The following DIS3 variants were observed in gnomAD, a reference collection of about 807,000 sequenced individuals.
DIS3 encodes exosome complex exonuclease RRP44.
DIS3 carries 103 observed loss-of-function variants against 113.0 expected under a neutral mutation model. The observed-to-expected ratio is 0.91, with a 90% CI of 0.78 to 1.07. The LOEUF (loss-of-function observed/expected upper bound fraction) is 1.07, where lower values mean the gene tolerates loss of function less well. Among genes scored for constraint, DIS3 ranks in the 50% least tolerant of loss-of-function variants. The pLI, the probability that DIS3 is intolerant of heterozygous loss-of-function variation, is 0.00. For synonymous variants in DIS3, 402 were observed against 394.3 expected (o/e 1.02, Z -0.23); for missense variants, 1,121 against 1,167.1 (o/e 0.96, Z 0.58).
In DIS3 at chr13:72,781,827, G is replaced by C. The variant is rs199832326; in HGVS notation, c.6C>G (p.Leu2=). The C allele has an allele frequency of 8.4e-5, 134 of 1,585,838 alleles. No homozygotes were observed. In the East Asian group the frequency reaches 9.6e-4, roughly 11 times the overall value. The change falls in exon 1 of 21, where the codon CTC becomes CTG. Residue 2 remains leucine (L), a synonymous_variant. Coordinates refer to ENST00000377767, the MANE Select transcript of DIS3 (RefSeq NM_014953.5). M[L]KSKTFLKKTR... Reference sequence around the variant, plus strand: ...TCTTTTTTAAGAACGTCTTGGACTTGAGCATCTTGCCTCGCCGCGCAGAAT... The same window carrying C: ...TCTTTTTTAAGAACGTCTTGGACTTCAGCATCTTGCCTCGCCGCGCAGAAT...
rs772725692 is a variant in DIS3, at chr13:72,753,580, A to C, written c.*6215T>G. 3.5e-6 allele frequency: 4 copies of C among 1,132,226 alleles called. No individual in the cohort carries two copies. The highest frequency in any genetic ancestry group is 1.6e-5 in the African/African-American group (1 of 63,912). 70.1% of individuals were successfully genotyped at this position (1,132,226 alleles called of 1,614,324 possible). On this transcript the variant is annotated 3_prime_UTR_variant, in exon 21 of 21. Transcript: ENST00000377767. ...TTTTGTTCAACATGATCAATATTAC[A>C]TGTTAGGATCATTCAGATGTAGTGA... is the stretch of plus-strand genomic sequence containing the variant.
At position 72,768,840 on chromosome 13, in the gene DIS3, G is replaced by C. The variant is rs751658145; in HGVS notation, c.1828C>G (p.Leu610Val). 4 of 1,609,318 alleles carry C rather than the reference G, an allele frequency of 2.5e-6. No individual in the cohort carries two copies. Among genetic ancestry groups the C allele is most frequent in the East Asian group, 4.5e-5 (2 of 44,732 alleles). ...ANMNDDITTS[L>V]RGLNKLAKIL... ...TTGGCTAGTTTATTCAGTCCACGGA[G>C]ACTAGTGGTAATATCATCATTCATG... The change falls in exon 14 of 21, where the codon CTC becomes GTC. Residue 610 changes from leucine to valine, a missense_variant. By Grantham distance (32) the Leu-to-Val change is conservative. Transcript: ENST00000377767.
In DIS3 at chr13:72,781,714, C is replaced by A. The variant is rs565866518; in HGVS notation, c.119G>T (p.Gly40Val). Reference sequence around the variant, plus strand: ...CAGGGCCGGCCCCTCGTGCGCCCCTCCACACGCTGCGCACCCGGGCGCACC... The same window carrying A: ...CAGGGCCGGCCCCTCGTGCGCCCCTACACACGCTGCGCACCCGGGCGCACC... ...GCGAPGCAAC[G>V]GAHEGPALEP... The change falls in exon 1 of 21, where the codon GGA becomes GTA. Residue 40 changes from glycine to valine, a missense_variant. By Grantham distance (109) the Gly-to-Val change is moderately radical. Around this residue, in one of 3 missense-constraint regions of DIS3, gnomAD observed 254 missense variants for 232.2 expected, o/e 1.09. Coordinates refer to ENST00000377767, the MANE Select transcript of DIS3 (RefSeq NM_014953.5). The A allele has an allele frequency of 1.0e-5, 16 of 1,574,620 alleles. No individual in the cohort carries two copies. In the African/African-American group the frequency reaches 1.9e-4, roughly 19 times the overall value.
intron 2 of DIS3, 149 bp downstream of exon 2, chr13:72,780,697 A>C (rs2034163129): frequency 1.2e-6 from 1 of 814,374 alleles, no homozygotes; most frequent in Non-Finnish European, 1.9e-6. Context: ...TCCACTTAGC[A>C]TTATCTTCTG....
chr13:72,781,365 G>A (rs1157903846), intron 1 of DIS3: 18 of 1,550,862 alleles, frequency 1.2e-5, no homozygotes, highest in Non-Finnish European at 1.4e-5. Flanking sequence ...ATCTAAGGCA[G>A]AAGAGACACC....
At chr13:72,770,851 CAA>C in intron 13 of DIS3, 51 bp downstream of exon 13, 1 of 1,347,166 alleles carries the variant, frequency 7.4e-7, no homozygotes, top group Non-Finnish European at 1.0e-6. Flanking sequence ...TAGCTTTTTT[CAA>C]AAAAGTACCA....
In DIS3 at chr13:72,760,640, A is replaced by C; in HGVS notation, c.2682T>G (p.Leu894=). ...QLIYDDEIPS[L]KIEDTVFHVF... ...CATGGAACACTGTATCTTCTATTTT[A>C]AGTGAGGGTATCTAAACAAAACACA... is the stretch of plus-strand genomic sequence containing the variant. The change falls in exon 20 of 21, where the codon CTT becomes CTG. Residue 894 remains leucine, a synonymous_variant. Coordinates refer to ENST00000377767, the MANE Select transcript of DIS3 (RefSeq NM_014953.5). 1 of 1,612,738 alleles carries C rather than the reference A, an allele frequency of 6.2e-7. No individual in the cohort carries two copies. Among genetic ancestry groups the C allele is most frequent in the Non-Finnish European group, 8.5e-7 (1 of 1,179,248 alleles).
Position 72,760,651 on chromosome 13 carries a change from T to G in DIS3, c.2671A>C (p.Ile891Leu). Reference sequence around the variant, plus strand: ...GTATCTTCTATTTTAAGTGAGGGTATCTAAACAAAACACATTTTATCATTC... The same window carrying G: ...GTATCTTCTATTTTAAGTGAGGGTAGCTAAACAAAACACATTTTATCATTC... Reference protein sequence around the residue: ...PNPQLIYDDEIPSLKIEDTVF... With the variant: ...PNPQLIYDDELPSLKIEDTVF... Residue 891 changes from isoleucine to leucine, a missense_variant and splice_region_variant, in exon 20 of 21, where the codon ATA becomes CTA. Physicochemically the swap from Ile to Leu is conservative, Grantham distance 5. Around this residue, in one of 3 missense-constraint regions of DIS3, gnomAD observed 861 missense variants for 915.5 expected, o/e 0.94. Coordinates refer to ENST00000377767, the MANE Select transcript of DIS3 (RefSeq NM_014953.5). 1.2e-6 allele frequency: 2 copies of G among 1,611,928 alleles called. No homozygotes were observed. The highest frequency in any genetic ancestry group is 1.1e-5 in the South Asian group (1 of 90,886).
intron 3 of DIS3, among the ~76,000 whole-genome samples, 156 bp from the exon 4 acceptor site, chr13:72,777,649 G>A (rs915092874): frequency 1.5e-4 from 23 of 152,028 alleles, no homozygotes; most frequent in Middle Eastern, 3.4e-3. Context: ...GTGCAGCGGC[G>A]CAATTACACA....
intron 13 of DIS3, among the ~76,000 whole-genome samples, chr13:72,770,074 G>A (rs2033848601): frequency 6.6e-6 from 1 of 152,176 alleles, no homozygotes; most frequent in African/African-American, 2.4e-5. Flanking sequence ...GTGAGAAAAT[G>A]TGAAGAAAGA....
At chr13:72,765,047 T>C (rs1023924484) in intron 15 of DIS3, among the ~76,000 whole-genome samples, 7 of 152,152 alleles carry the variant, frequency 4.6e-5, no homozygotes, top group Non-Finnish European at 8.8e-5. Flanking sequence ...GGTCATCTAT[T>C]AGAAAAGTGC....
intron 16 of DIS3, 113 bp downstream of exon 16, chr13:72,763,338 T>C: frequency 7.1e-6 from 9 of 1,272,174 alleles, no homozygotes; most frequent in Middle Eastern, 2.5e-4. Context: ...ACTATTGGCA[T>C]ATTCTTGTAT....
intron 3 of DIS3, 66 bp from the exon 4 acceptor site, chr13:72,777,559 G>C (rs541888994): frequency 2.9e-4 from 407 of 1,384,604 alleles, no homozygotes; most frequent in Admixed American, 1.0e-3. Context: ...AAAATGGATA[G>C]TCTTGTTTGC....
Position 72,755,168 on chromosome 13 carries a change from G to A in DIS3, c.*4627C>T, listed in dbSNP as rs1289350527. The A allele has an allele frequency of 1.2e-6, 2 of 1,613,786 alleles. No homozygotes were observed. Among genetic ancestry groups the A allele is most frequent in the Admixed American group, 3.3e-5 (2 of 60,022 alleles). On this transcript the variant is annotated 3_prime_UTR_variant, in exon 21 of 21. Transcript: ENST00000377767. ...TTTCACAGCAAGACCACACAACACA[G>A]AGGTGTTGGATGAAAACAGCAAGCC...
intron 11 of DIS3, 142 bp from the exon 12 acceptor site, chr13:72,771,287 C>A: frequency 1.5e-6 from 1 of 681,444 alleles, no homozygotes; most frequent in Non-Finnish European, 2.4e-6. Flanking sequence ...GAGAAAAGGT[C>A]AAATAAAAGG....
At position 72,778,232 on chromosome 13, in the gene DIS3, T is replaced by C. The variant is rs762488224; in HGVS notation, c.535A>G (p.Arg179Gly). Residue 179 changes from arginine (R) to glycine (G), a missense_variant, in exon 3 of 21, where the codon AGA becomes GGA. Arg to Gly is a moderately radical substitution (Grantham distance 125). Coordinates refer to ENST00000377767, the MANE Select transcript of DIS3 (RefSeq NM_014953.5). ...LQVIFITNDR[R>G]NKEKAIEEGI... ...TCTTCTATGGCTTTCTCTTTGTTTCTCCTGTCATTTGTTATGAAGATAACT... is the reference window on the plus strand; with the variant it reads ...TCTTCTATGGCTTTCTCTTTGTTTCCCCTGTCATTTGTTATGAAGATAACT... The C allele has an allele frequency of 6.2e-7, 1 of 1,605,820 alleles. No individual in the cohort carries two copies. The highest frequency in any genetic ancestry group is 8.5e-7 in the Non-Finnish European group (1 of 1,173,446).
chr13:72,780,793 C>T (rs888565428), intron 2 of DIS3, 53 bp downstream of exon 2: 1 of 1,520,328 alleles, frequency 6.6e-7, no homozygotes, highest in Non-Finnish European at 8.9e-7. Context: ...AACCCTCTCC[C>T]GAATTTTGCT....
intron 9 of DIS3, 145 bp from the exon 10 acceptor site, chr13:72,772,420 C>A: frequency 1.4e-6 from 1 of 722,524 alleles, no homozygotes; most frequent in South Asian, 2.0e-5. Context: ...TTTTCCTGCA[C>A]TGGAGCAGAG....
intron 2 of DIS3, among the ~76,000 whole-genome samples, chr13:72,780,142 A>T (rs972761459): frequency 6.6e-6 from 1 of 151,870 alleles, no homozygotes; most frequent in Admixed American, 6.6e-5. Context: ...CCTGACCAAC[A>T]TGGTGAAACC....
Sources: gnomAD v4.1 joint callset for allele counts (sites outside exome capture counted in the v4.1 genomes callset) on GRCh38, gnomAD v4.1.1 for gene constraint, gnomAD v4.1.1 regional missense constraint, MANE v1.5 for transcripts, NCBI Gene and HGNC (gene_info 2026-07-23, HGNC 2026-07-21) for gene names.